Variants in NOCT observed in about 807,000 individuals in gnomAD.
NOCT encodes CCR4 carbon catabolite repression 4-like.
Under a neutral mutation model 35.0 loss-of-function variants are expected in NOCT, and 18 were observed. The ratio of observed to expected loss-of-function variants is 0.51; its 90% confidence interval spans 0.36 to 0.76. The LOEUF is 0.76. Among genes scored for constraint, NOCT ranks in the 30% least tolerant of loss-of-function variants. The pLI is 0.01. For missense variants in NOCT, 479 were observed against 541.0 expected (o/e 0.89, Z 1.14); for synonymous variants, 235 against 226.3 (o/e 1.04, Z -0.34).
Position 139,045,299 on chromosome 4 carries a change from A to C in NOCT, c.1121A>C (p.His374Pro). Reference sequence around the variant, plus strand: ...ATCCGGACCTCAGGGGAGTGCAGGCACACCCTGGATTACATCTGGTATTCT... The same window carrying C: ...ATCCGGACCTCAGGGGAGTGCAGGCCCACCCTGGATTACATCTGGTATTCT... ...WKIRTSGECR[H>P]TLDYIWYSKH... is the part of the protein sequence containing the mutation. The change falls in exon 3 of 3, where the codon CAC (histidine) becomes CCC (proline). Residue 374 changes from histidine to proline, a missense_variant. His to Pro is a moderately conservative substitution (Grantham distance 77). Transcript: ENST00000280614. 1 of 1,614,104 alleles carries C rather than the reference A, an allele frequency of 6.2e-7. No homozygotes were observed. Among genetic ancestry groups the C allele is most frequent in the Non-Finnish European group, 8.5e-7 (1 of 1,180,032 alleles).
Position 139,044,931 on chromosome 4 carries a change from C to T in NOCT, c.753C>T (p.Ala251=), listed in dbSNP as rs765942545. ...LQNRFKLVNS[A]NIRLTAMTLK... is the part of the protein sequence containing the mutation. ...ACCGATTCAAGCTAGTCAACAGTGC[C>T]AATATTAGGCTGACAGCCATGACAT... is the stretch of plus-strand genomic sequence containing the variant. Residue 251 remains alanine, a synonymous_variant, in exon 3 of 3, where the codon GCC becomes GCT. Coordinates refer to ENST00000280614, the MANE Select transcript of NOCT (RefSeq NM_012118.4). The T allele has an allele frequency of 6.2e-7, 1 of 1,614,170 alleles. No individual in the cohort carries two copies. The highest frequency in any genetic ancestry group is 8.5e-7 in the Non-Finnish European group (1 of 1,180,036).
chr4:139,029,502 TATTC>T (rs1341186967), intron 1 of NOCT, among the ~76,000 whole-genome samples: 3 of 152,246 alleles, frequency 2.0e-5, no homozygotes, highest in East Asian at 3.8e-4. Context: ...AGGCCTGTCA[TATTC>T]AGTCAGTGGC....
intron 1 of NOCT, among the ~76,000 whole-genome samples, chr4:139,036,751 C>T (rs996368084): frequency 1.2e-4 from 19 of 152,050 alleles, no homozygotes; most frequent in Non-Finnish European, 2.6e-4. Context: ...AGTGACTTAA[C>T]AAAACTCAGA....
At chr4:139,021,679 G>T (rs1376223231) in intron 1 of NOCT, among the ~76,000 whole-genome samples, 1 of 151,704 alleles carries the variant, frequency 6.6e-6, no homozygotes, top group Non-Finnish European at 1.5e-5. Context: ...AGGTAATTGT[G>T]TTCTGGCTTC....
At chr4:139,042,226 C>T (rs1376444520) in intron 1 of NOCT, among the ~76,000 whole-genome samples, 2 of 151,938 alleles carry the variant, frequency 1.3e-5, no homozygotes. Flanking sequence ...CACCACCACA[C>T]CCGGCTAATT....
intron 1 of NOCT, among the ~76,000 whole-genome samples, chr4:139,027,604 A>G (rs1345954980): frequency 6.6e-6 from 1 of 151,596 alleles, no homozygotes; most frequent in Admixed American, 6.6e-5. Context: ...GGTTCACTCC[A>G]TTCTCCTGCC....
intron 1 of NOCT, among the ~76,000 whole-genome samples, chr4:139,041,209 C>T (rs1023666811): frequency 2.0e-5 from 3 of 152,150 alleles, no homozygotes; most frequent in Non-Finnish European, 2.9e-5. Context: ...ATGCTTGCAT[C>T]CTCATTGACC....
intron 1 of NOCT, among the ~76,000 whole-genome samples, chr4:139,026,810 C>G (rs1407967513): frequency 6.6e-6 from 1 of 152,166 alleles, no homozygotes. Context: ...CCTCAGCCTC[C>G]CAAAGTGTTG....
At chr4:139,026,862 C>CTTTTTTTTTT (rs1165378672) in intron 1 of NOCT, among the ~76,000 whole-genome samples, 1 of 120,246 alleles carries the variant, frequency 8.3e-6, no homozygotes, top group African/African-American at 3.5e-5. Flanking sequence ...TTTTTTTTTT[C>CTTTTTTTTTT]TTTTTTTTTT....
Position 139,015,806 on chromosome 4 carries a change from C to T in NOCT, c.-176C>T, listed in dbSNP as rs954437402. On this transcript the variant is annotated 5_prime_UTR_variant, in exon 1 of 3. Coordinates refer to ENST00000280614, the MANE Select transcript of NOCT (RefSeq NM_012118.4). ...AGACGGTGCCGACGCAGCGGTGTTGCACCTCCCTCTCCGGCTCTGCTGCCC... is the reference window on the plus strand; with the variant it reads ...AGACGGTGCCGACGCAGCGGTGTTGTACCTCCCTCTCCGGCTCTGCTGCCC... 6 of 427,110 alleles carry T rather than the reference C, an allele frequency of 1.4e-5. No individual in the cohort carries two copies. Among genetic ancestry groups the T allele is most frequent in the African/African-American group, 8.3e-5 (4 of 48,028 alleles). 26.5% of individuals were successfully genotyped at this position (427,110 alleles called of 1,614,324 possible).
intron 1 of NOCT, among the ~76,000 whole-genome samples, chr4:139,017,600 C>T (rs1331578646): frequency 1.3e-5 from 2 of 149,426 alleles, no homozygotes; most frequent in South Asian, 2.2e-4. Context: ...GAGGCGGAGG[C>T]GGGTAGATCA....
intron 1 of NOCT, among the ~76,000 whole-genome samples, chr4:139,021,763 G>GTT (rs1560729106): frequency 3.9e-5 from 1 of 25,584 alleles, no homozygotes; most frequent in African/African-American, 1.2e-4. Flanking sequence ...CAGTTTTTCT[G>GTT]GTTTTTTTTT....
chr4:139,019,173 A>C (rs1303396562), intron 1 of NOCT, among the ~76,000 whole-genome samples: 1 of 152,078 alleles, frequency 6.6e-6, no homozygotes, highest in African/African-American at 2.4e-5. Flanking sequence ...CTCCTGTCTC[A>C]GCCTCCTGAG....
intron 1 of NOCT, among the ~76,000 whole-genome samples, chr4:139,026,067 G>A (rs1726510268): frequency 6.6e-6 from 1 of 152,082 alleles, no homozygotes; most frequent in African/African-American, 2.4e-5. Flanking sequence ...GACTAGTGGT[G>A]AGCATAGCTG....
intron 1 of NOCT, among the ~76,000 whole-genome samples, chr4:139,027,665 A>C (rs1726548259): frequency 6.6e-6 from 1 of 151,898 alleles, no homozygotes; most frequent in Non-Finnish European, 1.5e-5. Context: ...AAGCCCGGCT[A>C]ATTTTTGTAT....
intron 1 of NOCT, among the ~76,000 whole-genome samples, chr4:139,027,497 T>C (rs1026251346): frequency 2.0e-5 from 3 of 151,470 alleles, no homozygotes; most frequent in Non-Finnish European, 4.4e-5. Context: ...ATGTAAACTT[T>C]ATTTATGGAC....
intron 1 of NOCT, among the ~76,000 whole-genome samples, chr4:139,030,150 A>G (rs1449008275): frequency 3.3e-5 from 5 of 152,166 alleles, no homozygotes; most frequent in Non-Finnish European, 5.9e-5. Context: ...AAGTGCTGAG[A>G]CTACAGGCGT....
In NOCT at chr4:139,045,404, A is replaced by G; in HGVS notation, c.1226A>G (p.Asn409Ser). 1.2e-6 allele frequency: 2 copies of G among 1,613,748 alleles called. No homozygotes were observed. The highest frequency in any genetic ancestry group is 1.7e-6 in the Non-Finnish European group (2 of 1,179,930). ...QIGPNRLPSF[N>S]YPSDHLSLVC... ...GGACCCAACAGGTTACCTTCCTTCA[A>G]TTATCCTTCAGACCACCTGTCTCTA... Residue 409 changes from asparagine (N) to serine (S), a missense_variant, in exon 3 of 3, where the codon AAT becomes AGT. Physicochemically the swap from Asn to Ser is conservative, Grantham distance 46. Coordinates refer to ENST00000280614, the MANE Select transcript of NOCT (RefSeq NM_012118.4).
rs1486965229 is a variant in NOCT, at chr4:139,045,374, A to C, written c.1196A>C (p.Gln399Pro). 3 of 1,614,130 alleles carry C rather than the reference A, an allele frequency of 1.9e-6. No individual in the cohort carries two copies. ...RSALDLLTEE[Q>P]IGPNRLPSFN... ...GCTCTCGATCTGCTCACTGAAGAAC[A>C]GATTGGACCCAACAGGTTACCTTCC... Residue 399 changes from glutamine (Q) to proline (P), a missense_variant, in exon 3 of 3, where the codon CAG becomes CCG. Transcript: ENST00000280614.
Sources: gnomAD v4.1 joint callset for allele counts (sites outside exome capture counted in the v4.1 genomes callset) on GRCh38, gnomAD v4.1.1 for gene constraint, MANE v1.5 for transcripts, NCBI Gene and HGNC (gene_info 2026-07-23, HGNC 2026-07-21) for gene names.